MBNL1: variants seen among roughly 807,000 people sequenced by gnomAD.
MBNL1 encodes muscleblind-like protein 1.
A neutral mutation model predicts 42.2 loss-of-function variants in MBNL1; 8 were observed. That is an observed-to-expected ratio of 0.19 (90% confidence interval 0.11 to 0.34). The LOEUF (loss-of-function observed/expected upper bound fraction) is 0.34, where lower values mean the gene tolerates loss of function less well. Among genes scored for constraint, MBNL1 ranks in the 10% least tolerant of loss-of-function variants. The pLI, the probability that MBNL1 is intolerant of heterozygous loss-of-function variation, is 1.00. For synonymous variants in MBNL1, 169 were observed against 173.9 expected (o/e 0.97, Z 0.22); for missense variants, 309 against 495.3 (o/e 0.62, Z 3.57).
chr3:152,315,643 TAAAA>T (rs1214756510), intron 2 of MBNL1, among the ~76,000 whole-genome samples: 1 of 148,624 alleles, frequency 6.7e-6, no homozygotes, highest in East Asian at 1.9e-4. Flanking sequence ...ACACTTAATG[TAAAA>T]AAAAAAATTA....
At chr3:152,251,189 CT>C (rs1446558486) in intron 2 of MBNL1, among the ~76,000 whole-genome samples, 1 of 152,058 alleles carries the variant, frequency 6.6e-6, no homozygotes, top group African/African-American at 2.4e-5. Flanking sequence ...CAAATAATGT[CT>C]TTTTAAATAT....
intron 2 of MBNL1, among the ~76,000 whole-genome samples, chr3:152,384,063 T>C (rs1004920643): frequency 6.6e-6 from 1 of 152,144 alleles, no homozygotes; most frequent in East Asian, 1.9e-4. Flanking sequence ...TAATGTTACT[T>C]TTCAAAATGT....
At chr3:152,252,134 A>ACCTTCCTTCCTTCCTTCCTT (rs139692617) in intron 2 of MBNL1, among the ~76,000 whole-genome samples, 3,474 of 102,802 alleles carry the variant, frequency 0.034, 222 homozygotes, top group Non-Finnish European at 0.045. Context: ...AAACTAACCT[A>ACCTTCCTTCCTTCCTTCCTT]CCTTCCTTCC....
chr3:152,352,163 A>G (rs367701703), intron 2 of MBNL1, among the ~76,000 whole-genome samples: 19 of 152,208 alleles, frequency 1.2e-4, no homozygotes, highest in Non-Finnish European at 7.4e-5. Flanking sequence ...TCCTCCTGAA[A>G]ATACTTTGTT....
Position 152,432,832 on chromosome 3 carries a change from C to G in MBNL1, c.461C>G (p.Pro154Arg). The G allele has an allele frequency of 6.2e-7, 1 of 1,614,144 alleles. No homozygotes were observed. Among genetic ancestry groups the G allele is most frequent in the Non-Finnish European group, 8.5e-7 (1 of 1,180,010 alleles). Residue 154 changes from proline to arginine, a missense_variant, in exon 4 of 10, where the codon CCA (proline) becomes CGA (arginine). By Grantham distance (103) the Pro-to-Arg change is moderately radical (BLOSUM62 -2). Coordinates refer to ENST00000324210, the MANE Select transcript of MBNL1 (RefSeq NM_021038.5). Reference protein sequence around the residue: ...LVPAEILPTAPMLVTGNPGVP... With the variant: ...LVPAEILPTARMLVTGNPGVP... ...CCGGCAGAGATCTTGCCGACTGCACCAATGTTGGTTACAGGGAATCCGGGT... is the reference window on the plus strand; with the variant it reads ...CCGGCAGAGATCTTGCCGACTGCACGAATGTTGGTTACAGGGAATCCGGGT...
chr3:152,352,862 G>C (rs2095179119), intron 2 of MBNL1, among the ~76,000 whole-genome samples: 1 of 152,242 alleles, frequency 6.6e-6, no homozygotes, highest in Non-Finnish European at 1.5e-5. Context: ...ATGACTGCAT[G>C]CAAGAATAGC....
At chr3:152,243,723 A>G (rs908833089), upstream of MBNL1, 10 of 152,204 alleles carry the variant, frequency 6.6e-5, no homozygotes, top group African/African-American at 2.4e-4. Context: ...TGCATAGAGC[A>G]ATGTTTTCTG....
At chr3:152,424,037 C>T (rs999164140) in intron 3 of MBNL1, among the ~76,000 whole-genome samples, 3 of 148,372 alleles carry the variant, frequency 2.0e-5, no homozygotes, top group Non-Finnish European at 4.5e-5. Context: ...GATTCCCTCC[C>T]TCACCACTCC....
intron 1 of MBNL1, among the ~76,000 whole-genome samples, chr3:152,272,922 A>G (rs149519557): frequency 1.3e-5 from 2 of 152,362 alleles, no homozygotes; most frequent in East Asian, 1.9e-4. Flanking sequence ...TTCTAGCCAT[A>G]TAAAGTATGC....
chr3:152,400,554 C>T (rs2098170660), intron 2 of MBNL1, among the ~76,000 whole-genome samples: 1 of 152,180 alleles, frequency 6.6e-6, no homozygotes, highest in Non-Finnish European at 1.5e-5. Context: ...TAAGGGCTCT[C>T]ATGGGTACAT....
chr3:152,384,508 G>C (rs1452598892), intron 2 of MBNL1, among the ~76,000 whole-genome samples: 1 of 152,106 alleles, frequency 6.6e-6, no homozygotes, highest in Non-Finnish European at 1.5e-5. Flanking sequence ...TCAAACTTCA[G>C]ATGTGGGTTT....
At chr3:152,363,851 G>A (rs115942912) in intron 2 of MBNL1, among the ~76,000 whole-genome samples, 2 of 151,864 alleles carry the variant, frequency 1.3e-5, no homozygotes, top group Admixed American at 6.6e-5. Flanking sequence ...AATATACCAC[G>A]TAGTTTTTTT....
intron 2 of MBNL1, among the ~76,000 whole-genome samples, chr3:152,343,431 T>G (rs2093689428): frequency 6.6e-6 from 1 of 152,170 alleles, no homozygotes; most frequent in Admixed American, 6.6e-5. Context: ...TACTAGATTC[T>G]GAACACCTTG....
rs1045763356 is a variant in MBNL1, at chr3:152,463,491, C to T, written c.*1125C>T. Reference sequence around the variant, plus strand: ...TTAAATGCTTCATCACAGTCACATTCAAAATAGTGACTCTAAACAAAGAAG... The same window carrying T: ...TTAAATGCTTCATCACAGTCACATTTAAAATAGTGACTCTAAACAAAGAAG... On this transcript the variant is annotated 3_prime_UTR_variant, in exon 10 of 10. Transcript: ENST00000324210. 1.3e-5 allele frequency: 2 copies of T among 152,336 alleles called. No homozygotes were observed. Among genetic ancestry groups the T allele is most frequent in the Non-Finnish European group, 1.5e-5 (1 of 67,914 alleles). The allele number at this position is 152,336 out of a possible 1,614,324, so 9.4% of individuals were successfully genotyped here.
rs780538995 is a variant in MBNL1, at chr3:152,432,765, G to A, written c.394G>A (p.Ala132Thr). 16 of 1,614,012 alleles carry A rather than the reference G, an allele frequency of 9.9e-6. 1 individual carries two copies. The highest frequency in any genetic ancestry group is 5.0e-5 in the Admixed American group (3 of 59,992). Reference sequence around the variant, plus strand: ...CTTAGCCACCAATGCATCAGCAGCCGCCTTTAATCCCTATCTGGGACCTGT... The same window carrying A: ...CTTAGCCACCAATGCATCAGCAGCCACCTTTAATCCCTATCTGGGACCTGT... ...PSLATNASAAAFNPYLGPVSP... is the reference protein window; with the variant it reads ...PSLATNASAATFNPYLGPVSP... Residue 132 changes from alanine to threonine, a missense_variant, in exon 4 of 10, where the codon GCC becomes ACC. Transcript: ENST00000324210.
At chr3:152,373,604 A>ACC (rs1266326925) in intron 2 of MBNL1, among the ~76,000 whole-genome samples, 1 of 150,626 alleles carries the variant, frequency 6.6e-6, no homozygotes, top group Non-Finnish European at 1.5e-5. Flanking sequence ...GAGGTGATGC[A>ACC]CCCCCCCTGC....
At chr3:152,364,410 T>C (rs548563935) in intron 2 of MBNL1, among the ~76,000 whole-genome samples, 1 of 152,206 alleles carries the variant, frequency 6.6e-6, no homozygotes, top group East Asian at 1.9e-4. Context: ...GTCAAGCATA[T>C]GTAAGGCATG....
intron 2 of MBNL1, among the ~76,000 whole-genome samples, chr3:152,386,664 C>T (rs553798283): frequency 2.6e-5 from 4 of 151,888 alleles, no homozygotes; most frequent in Admixed American, 6.6e-5. Flanking sequence ...AAGATACCTG[C>T]TGAGAATTGA....
At chr3:152,303,514 TTA>T (rs1452591218) in intron 2 of MBNL1, among the ~76,000 whole-genome samples, 2 of 152,106 alleles carry the variant, frequency 1.3e-5, no homozygotes, top group African/African-American at 4.8e-5. Context: ...CCAAAGAGGA[TTA>T]TGTTCCCCTA....
Sources: gnomAD v4.1 joint callset for allele counts (sites outside exome capture counted in the v4.1 genomes callset) on GRCh38, gnomAD v4.1.1 for gene constraint, MANE v1.5 for transcripts, NCBI Gene and HGNC (gene_info 2026-07-23, HGNC 2026-07-21) for gene names.